Variants in SND1 observed in about 807,000 individuals in gnomAD.
SND1 encodes staphylococcal nuclease and tudor domain containing 1.
Under a neutral mutation model 121.7 loss-of-function variants are expected in SND1, and 38 were observed. That is an observed-to-expected ratio of 0.31 (90% CI 0.24 to 0.41). The LOEUF (loss-of-function observed/expected upper bound fraction) is 0.41, where lower values mean the gene tolerates loss of function less well. Among genes scored for constraint, SND1 ranks in the 10% least tolerant of loss-of-function variants. SND1 has a pLI of 1.00. For synonymous variants in SND1, 401 were observed against 447.4 expected, an observed-to-expected ratio of 0.90 and a Z score of 1.31; for missense variants, 868 against 1,184.6, an observed-to-expected ratio of 0.73 and a Z score of 3.92.
chr7:127,840,627 T>G (rs1798947457), intron 11 of SND1, among the ~76,000 whole-genome samples: 1 of 152,216 alleles, frequency 6.6e-6, no homozygotes, highest in Non-Finnish European at 1.5e-5. Context: ...TGGTTTTAAT[T>G]GAAGCTGTTA....
chr7:127,992,501 T>C (rs1802544611), intron 16 of SND1, among the ~76,000 whole-genome samples: 2 of 152,210 alleles, frequency 1.3e-5, no homozygotes, highest in African/African-American at 4.8e-5. Flanking sequence ...CTGTTCAAAT[T>C]CATAACTTAA....
At chr7:128,083,119 G>A (rs1793633456) in intron 18 of SND1, among the ~76,000 whole-genome samples, 2 of 152,076 alleles carry the variant, frequency 1.3e-5, no homozygotes, top group Non-Finnish European at 2.9e-5. Flanking sequence ...TCCCCTCTTG[G>A]GTGGCATCCT....
chr7:127,927,669 C>T (rs1404061717), intron 14 of SND1, among the ~76,000 whole-genome samples: 2 of 152,114 alleles, frequency 1.3e-5, no homozygotes, highest in East Asian at 1.9e-4. Flanking sequence ...TCTAAGAATC[C>T]GTTTGATGGG....
intron 5 of SND1, among the ~76,000 whole-genome samples, chr7:127,702,135 G>C (rs938508387): frequency 2.6e-5 from 4 of 152,042 alleles, no homozygotes; most frequent in African/African-American, 9.7e-5. Context: ...TTTTTGTTGG[G>C]TACCTGGTAC....
chr7:127,914,093 A>G (rs1247797596), intron 14 of SND1, among the ~76,000 whole-genome samples: 1 of 152,184 alleles, frequency 6.6e-6, no homozygotes, highest in African/African-American at 2.4e-5. Flanking sequence ...AATTCCTAAT[A>G]CAGTATCGAA....
chr7:127,958,328 C>T (rs926895041), intron 15 of SND1, among the ~76,000 whole-genome samples: 5 of 152,218 alleles, frequency 3.3e-5, no homozygotes, highest in African/African-American at 1.2e-4. Flanking sequence ...TGATTTAATA[C>T]ATACAACAAC....
chr7:127,776,037 A>G (rs1267677544), intron 10 of SND1, among the ~76,000 whole-genome samples: 1 of 152,226 alleles, frequency 6.6e-6, no homozygotes, highest in Non-Finnish European at 1.5e-5. Context: ...TTTCATTTTT[A>G]GAGATGATTA....
intron 10 of SND1, among the ~76,000 whole-genome samples, chr7:127,796,067 C>A (rs1798018398): frequency 6.6e-6 from 1 of 151,844 alleles, no homozygotes; most frequent in East Asian, 1.9e-4. Flanking sequence ...CCATGTTAGC[C>A]AGGATGGTCT....
intron 13 of SND1, among the ~76,000 whole-genome samples, chr7:127,892,339 CAG>C (rs1409548006): frequency 3.9e-5 from 6 of 152,034 alleles, no homozygotes; most frequent in East Asian, 1.9e-4. Context: ...CTAGATGAGA[CAG>C]AGGGGGAAGA....
chr7:128,006,419 A>G (rs1802978404), intron 16 of SND1, among the ~76,000 whole-genome samples: 1 of 152,216 alleles, frequency 6.6e-6, no homozygotes, highest in Admixed American at 6.5e-5. Flanking sequence ...CCACCTCCCA[A>G]ATAGGACAGT....
At chr7:128,089,872 AAATT>A in intron 22 of SND1, 180 bp downstream of exon 22, 1 of 619,174 alleles carries the variant, frequency 1.6e-6, no homozygotes, top group Non-Finnish European at 2.8e-6. Flanking sequence ...ATTACATCCC[AAATT>A]AATTGGCTGC....
chr7:127,707,476 C>A, intron 8 of SND1, 81 bp from the exon 9 acceptor site: 4 of 1,060,978 alleles, frequency 3.8e-6, no homozygotes, highest in Non-Finnish European at 5.9e-6. Flanking sequence ...GAGTAGGATG[C>A]TGCACCAACT....
intron 10 of SND1, among the ~76,000 whole-genome samples, chr7:127,724,497 C>T (rs1796550407): frequency 6.6e-6 from 1 of 152,004 alleles, no homozygotes; most frequent in South Asian, 2.1e-4. Flanking sequence ...TCTTAGGATA[C>T]TCAGGAAGGG....
At chr7:128,020,798 G>A (rs1803334098) in intron 16 of SND1, among the ~76,000 whole-genome samples, 1 of 152,162 alleles carries the variant, frequency 6.6e-6, no homozygotes, top group South Asian at 2.1e-4. Flanking sequence ...CACAGAATGG[G>A]CCAATGCCTT....
At chr7:128,069,724 A>T (rs1793375461) in intron 16 of SND1, among the ~76,000 whole-genome samples, 1 of 152,254 alleles carries the variant, frequency 6.6e-6, no homozygotes, top group Non-Finnish European at 1.5e-5. Context: ...AGTTCATTTA[A>T]TCATAACATC....
chr7:128,028,845 G>C (rs1792481681), intron 16 of SND1: 1 of 1,614,106 alleles, frequency 6.2e-7, no homozygotes, highest in Non-Finnish European at 8.5e-7. Flanking sequence ...ATGAATTGTG[G>C]GCAGCACTAC....
chr7:128,040,018 G>A (rs1562878899), intron 16 of SND1, among the ~76,000 whole-genome samples: 1 of 152,132 alleles, frequency 6.6e-6, no homozygotes, highest in African/African-American at 2.4e-5. Flanking sequence ...GGTCCCCTTT[G>A]TCTAGGGTTC....
At chr7:128,057,467 A>G (rs1167432396) in intron 16 of SND1, among the ~76,000 whole-genome samples, 3 of 152,230 alleles carry the variant, frequency 2.0e-5, no homozygotes, top group African/African-American at 7.2e-5. Flanking sequence ...GAACCAATAC[A>G]GTGGCACCTG....
intron 12 of SND1, among the ~76,000 whole-genome samples, chr7:127,869,164 A>T (rs756546891): frequency 7.6e-4 from 116 of 152,164 alleles, no homozygotes; most frequent in Non-Finnish European, 2.6e-4. Flanking sequence ...GCAAGGTATC[A>T]GGAGCAAGGA....
Sources: gnomAD v4.1 joint callset for allele counts (sites outside exome capture counted in the v4.1 genomes callset) on GRCh38, gnomAD v4.1.1 for gene constraint, MANE v1.5 for transcripts, NCBI Gene and HGNC (gene_info 2026-07-23, HGNC 2026-07-21) for gene names.